The following ZBTB41 variants were observed in gnomAD, a reference collection of about 807,000 sequenced individuals.
ZBTB41 encodes zinc finger and BTB domain containing 41, also known as zinc finger and BTB domain-containing protein 41.
A neutral mutation model predicts 87.6 loss-of-function variants in ZBTB41; 42 were observed. That is an observed-to-expected ratio of 0.48 (90% CI 0.37 to 0.62). The LOEUF (loss-of-function observed/expected upper bound fraction) is 0.62, where lower values mean the gene tolerates loss of function less well. Ranked by LOEUF, ZBTB41 falls within the 20% of genes least tolerant of loss-of-function variation. The pLI is 0.00. For synonymous variants in ZBTB41, 364 were observed against 364.0 expected (o/e 1.00, Z 0.00); for missense variants, 799 against 1,078.9 (o/e 0.74, Z 3.63).
intron 2 of ZBTB41, among the ~76,000 whole-genome samples, chr1:197,197,927 C>T (rs1399820038): frequency 1.3e-5 from 2 of 152,126 alleles, no homozygotes; most frequent in South Asian, 2.1e-4. Flanking sequence ...CCTACAATAC[C>T]ATTTGTGAAC....
intron 10 of ZBTB41, 124 bp downstream of exon 10, chr1:197,172,036 T>C (rs1342730353): frequency 2.8e-6 from 1 of 353,606 alleles, no homozygotes; most frequent in Non-Finnish European, 5.1e-6. Flanking sequence ...AAAATCTTAA[T>C]GGGGAAAACC....
chr1:197,156,373 G>A lies in ZBTB41; in HGVS notation c.*2986C>T, dbSNP rs1215981122. 2.0e-5 allele frequency: 3 copies of A among 152,092 alleles called. No homozygotes were observed. The highest frequency in any genetic ancestry group is 4.4e-5 in the Non-Finnish European group (3 of 67,720). The allele number at this position is 152,092 out of a possible 1,614,324, so 9.4% of individuals were successfully genotyped here. A position where few individuals can be genotyped will look rare whatever the true frequency, so the allele number is the denominator to read the frequency against. On this transcript the variant is annotated 3_prime_UTR_variant, in exon 11 of 11. Transcript: ENST00000367405. ...ATTAGATTAACACATTCCTGCACTTGATAAATTATTCAATTTACAGATTAA... is the reference window on the plus strand; with the variant it reads ...ATTAGATTAACACATTCCTGCACTTAATAAATTATTCAATTTACAGATTAA...
chr1:197,161,867 C>G (rs948626927), intron 10 of ZBTB41, among the ~76,000 whole-genome samples: 5 of 151,686 alleles, frequency 3.3e-5, no homozygotes, highest in African/African-American at 9.7e-5. Context: ...AAAATAAGAA[C>G]ACGACCACAG....
At chr1:197,181,420 T>C (rs1659745464) in intron 5 of ZBTB41, among the ~76,000 whole-genome samples, 1 of 152,054 alleles carries the variant, frequency 6.6e-6, no homozygotes, top group Non-Finnish European at 1.5e-5. Context: ...CATACTAAAG[T>C]TTTTGGGAAA....
At chr1:197,169,664 T>C (rs1659431257) in intron 10 of ZBTB41, among the ~76,000 whole-genome samples, 1 of 151,994 alleles carries the variant, frequency 6.6e-6, no homozygotes, top group Non-Finnish European at 1.5e-5. Flanking sequence ...AAAAATTAAT[T>C]GAACTGTTTG....
At chr1:197,192,858 A>G (rs1443152608) in intron 2 of ZBTB41, among the ~76,000 whole-genome samples, 1 of 152,092 alleles carries the variant, frequency 6.6e-6, no homozygotes, top group African/African-American at 2.4e-5. Context: ...TGTCTACCCA[A>G]TAAAATAAAA....
At chr1:197,170,623 C>T (rs1169135996) in intron 10 of ZBTB41, among the ~76,000 whole-genome samples, 1 of 152,104 alleles carries the variant, frequency 6.6e-6, no homozygotes, top group African/African-American at 2.4e-5. Flanking sequence ...GACTTGGGAA[C>T]ATGGTGACCA....
At chr1:197,178,538 A>G in intron 6 of ZBTB41, 26 bp from the exon 7 acceptor site, 1 of 1,523,040 alleles carries the variant, frequency 6.6e-7, no homozygotes, top group Admixed American at 1.9e-5. Flanking sequence ...TAGATTCGAG[A>G]TTTTTTAAAT....
intron 9 of ZBTB41, among the ~76,000 whole-genome samples, chr1:197,173,106 C>T (rs1461197495): frequency 1.3e-5 from 2 of 151,910 alleles, no homozygotes; most frequent in African/African-American, 2.4e-5. Context: ...ATTTAAGTGG[C>T]AGTTATTGAG....
intron 2 of ZBTB41, among the ~76,000 whole-genome samples, chr1:197,192,344 T>C (rs1282282833): frequency 6.6e-6 from 1 of 152,234 alleles, no homozygotes; most frequent in Non-Finnish European, 1.5e-5. Context: ...ACTGGCTCTC[T>C]AAATAGAGGG....
chr1:197,185,478 C>T (rs1659859067), intron 5 of ZBTB41, among the ~76,000 whole-genome samples: 1 of 151,984 alleles, frequency 6.6e-6, no homozygotes. Context: ...TATTCTACTC[C>T]TTGAAAAATT....
chr1:197,176,408 C>A (rs2125130032), intron 8 of ZBTB41, among the ~76,000 whole-genome samples, 156 bp downstream of exon 8: 1 of 152,128 alleles, frequency 6.6e-6, no homozygotes, highest in Non-Finnish European at 1.5e-5. Context: ...CTTTTGGATG[C>A]TTTTTAAAAA....
chr1:197,167,637 T>A (rs1043344738), intron 10 of ZBTB41, among the ~76,000 whole-genome samples: 1 of 151,938 alleles, frequency 6.6e-6, no homozygotes, highest in Non-Finnish European at 1.5e-5. Flanking sequence ...TCAGTACAAT[T>A]TACCACATAA....
chr1:197,168,452 T>C (rs1401486330), intron 10 of ZBTB41, among the ~76,000 whole-genome samples: 1 of 152,060 alleles, frequency 6.6e-6, no homozygotes, highest in Non-Finnish European at 1.5e-5. Context: ...AACTAAAAAG[T>C]TGACAAACAA....
chr1:197,159,627 G>C lies in ZBTB41; in HGVS notation c.2462C>G (p.Pro821Arg), dbSNP rs752865121. The change falls in exon 11 of 11, where the codon CCG becomes CGG. Residue 821 changes from proline to arginine, a missense_variant. This residue lies in a region of ZBTB41 where 171 missense variants were observed against 191.9 expected (regional missense o/e 0.89). Coordinates refer to ENST00000367405, the MANE Select transcript of ZBTB41 (RefSeq NM_194314.3). ...GGTAGTATGACGCACTAGGTCACTC[G>C]GAGTGTCAGGCATCTGAACTGGAAC... ...TLVPVQMPDT[P>R]SDLVRHTTTL... The C allele has an allele frequency of 1.9e-6, 3 of 1,613,842 alleles. No homozygotes were observed. The highest frequency in any genetic ancestry group is 3.3e-5 in the Admixed American group (2 of 59,954).
At chr1:197,167,449 C>T (rs1659375914) in intron 10 of ZBTB41, among the ~76,000 whole-genome samples, 2 of 152,138 alleles carry the variant, frequency 1.3e-5, no homozygotes, top group South Asian at 4.1e-4. Flanking sequence ...TCCACCTCGA[C>T]TTCCCAAAGC....
At chr1:197,169,208 C>T (rs1485594937) in intron 10 of ZBTB41, among the ~76,000 whole-genome samples, 1 of 151,830 alleles carries the variant, frequency 6.6e-6, no homozygotes, top group Non-Finnish European at 1.5e-5. Flanking sequence ...TCCTATGAGC[C>T]AGGAATCCTA....
At chr1:197,163,367 G>A (rs1181239631) in intron 10 of ZBTB41, among the ~76,000 whole-genome samples, 2 of 151,804 alleles carry the variant, frequency 1.3e-5, no homozygotes, top group African/African-American at 4.8e-5. Flanking sequence ...ATATATATAA[G>A]ACTGGGACAT....
rs1032169690 is a variant in ZBTB41 at position 197,163,572 on chromosome 1, C to T, written c.2075-3558G>A. 4.0e-5 allele frequency among the ~76,000 whole-genome samples: 6 copies of T among 151,714 alleles called. No homozygotes were observed. In the South Asian group the frequency reaches 1.2e-3, roughly 32 times the overall value. ...TAAAAAGAAAATGGCCAAGAATCTTCCTAAATAAAAGAAAGACATCAAGTC... is the reference window on the plus strand; with the variant it reads ...TAAAAAGAAAATGGCCAAGAATCTTTCTAAATAAAAGAAAGACATCAAGTC... On this transcript the variant is annotated intron_variant, in intron 10 of 10. Coordinates refer to ENST00000367405, the MANE Select transcript of ZBTB41 (RefSeq NM_194314.3).
Sources: allele counts gnomAD v4.1 joint callset (sites outside exome capture counted in the v4.1 genomes callset), GRCh38; gene constraint gnomAD v4.1.1; regional missense constraint gnomAD v4.1.1; transcripts MANE v1.5; gene names NCBI Gene and HGNC (gene_info 2026-07-23, HGNC 2026-07-21).